The following CIMAP2 variants were observed in gnomAD, a reference collection of about 807,000 sequenced individuals.
CIMAP2 encodes the protein ciliary microtubule-associated protein 2.
chr1:54,812,494 A>G, the CIMAP2 span, among the ~76,000 whole-genome samples: 1 of 152,252 alleles, frequency 6.6e-6, no homozygotes, highest in East Asian at 1.9e-4. Flanking sequence ...GATGGCCCAC[A>G]GTGCCAGGGG....
the CIMAP2 span, chr1:54,811,764 A>AGCCGGGGGGGGG: frequency 6.4e-6 from 7 of 1,097,908 alleles, no homozygotes; most frequent in East Asian, 2.9e-5. Flanking sequence ...TGGTTCTGAC[A>AGCCGGGGGGGGG]GCCTCCATGC....
At chr1:54,811,766 C>CCGGGGGGGGGCG in the CIMAP2 span, 3 of 1,305,186 alleles carry the variant, frequency 2.3e-6, no homozygotes, top group South Asian at 1.2e-5. Flanking sequence ...GTTCTGACAG[C>CCGGGGGGGGGCG]CTCCATGCCC....
the CIMAP2 span, among the ~76,000 whole-genome samples, chr1:54,825,035 G>A: frequency 1.2e-3 from 159 of 129,128 alleles, no homozygotes; most frequent in African/African-American, 4.3e-3. Flanking sequence ...CTTTCATAGG[G>A]AATTACTTTT....
At chr1:54,839,382 A>AT in the CIMAP2 span, among the ~76,000 whole-genome samples, 53 of 36,226 alleles carry the variant, frequency 1.5e-3, no homozygotes, top group Admixed American at 2.9e-3. Context: ...TTATTTATTT[A>AT]TTTATTTTTC....
the CIMAP2 span, among the ~76,000 whole-genome samples, chr1:54,834,311 A>G: frequency 1.3e-5 from 2 of 152,324 alleles, no homozygotes; most frequent in African/African-American, 4.8e-5. Flanking sequence ...GCAGGCATAG[A>G]AGGAACTCAG....
chr1:54,826,563 G>T, the CIMAP2 span, among the ~76,000 whole-genome samples: 1 of 152,186 alleles, frequency 6.6e-6, no homozygotes, highest in South Asian at 2.1e-4. Context: ...CAGGGGATCG[G>T]TGGGACCCAG....
the CIMAP2 span, among the ~76,000 whole-genome samples, chr1:54,819,786 C>G: frequency 2.2e-5 from 3 of 133,818 alleles, no homozygotes; most frequent in South Asian, 2.4e-4. Context: ...CCCTTCCTTC[C>G]TTTTCTTCTC....
At chr1:54,816,662 G>T in the CIMAP2 span, among the ~76,000 whole-genome samples, 1 of 152,110 alleles carries the variant, frequency 6.6e-6, no homozygotes, top group East Asian at 1.9e-4. Context: ...TTGGCTTGTA[G>T]TCGTCACTCC....
chr1:54,806,200 CT>C, the CIMAP2 span: 1 of 1,543,532 alleles, frequency 6.5e-7, no homozygotes, highest in Non-Finnish European at 8.7e-7. Context: ...CCGGGGCGCC[CT>C]TCGGGGTGCA....
the CIMAP2 span, among the ~76,000 whole-genome samples, chr1:54,828,985 A>G: frequency 6.6e-6 from 1 of 152,230 alleles, no homozygotes; most frequent in Non-Finnish European, 1.5e-5. Flanking sequence ...ATTTTAAGAT[A>G]GAAGAATAAT....
At chr1:54,818,073 T>G in the CIMAP2 span, among the ~76,000 whole-genome samples, 2 of 152,336 alleles carry the variant, frequency 1.3e-5, no homozygotes, top group Admixed American at 1.3e-4. Flanking sequence ...ATATGGTTGC[T>G]GAGAAGTCTT....
the CIMAP2 span, among the ~76,000 whole-genome samples, chr1:54,835,177 G>A: frequency 4.5e-4 from 68 of 151,516 alleles, no homozygotes; most frequent in Non-Finnish European, 7.9e-4. Context: ...AATGGACAAA[G>A]TGATGGTTTG....
At chr1:54,824,053 G>T in the CIMAP2 span, among the ~76,000 whole-genome samples, 1 of 151,532 alleles carries the variant, frequency 6.6e-6, no homozygotes, top group African/African-American at 2.4e-5. Flanking sequence ...ACAAGTTCTC[G>T]CTCTGTCACT....
chr1:54,811,951 G>GGCCTTGCCT, the CIMAP2 span: 1 of 1,614,054 alleles, frequency 6.2e-7, no homozygotes, highest in Non-Finnish European at 8.5e-7. Flanking sequence ...CGGCTGGCCA[G>GGCCTTGCCT]GCCTTGCCTG....
At chr1:54,811,767 C>CGGGGGGGGGGGGGGCG in the CIMAP2 span, 1 of 1,088,170 alleles carries the variant, frequency 9.2e-7, no homozygotes, top group Non-Finnish European at 1.4e-6. Flanking sequence ...TTCTGACAGC[C>CGGGGGGGGGGGGGGCG]TCCATGCCCC....
At chr1:54,837,578 G>A in the CIMAP2 span, among the ~76,000 whole-genome samples, 1 of 152,118 alleles carries the variant, frequency 6.6e-6, no homozygotes, top group South Asian at 2.1e-4. Context: ...CTTCTTCATG[G>A]TGCCAGACTC....
the CIMAP2 span, chr1:54,841,857 C>T: frequency 6.4e-7 from 1 of 1,552,356 alleles, no homozygotes; most frequent in Non-Finnish European, 8.7e-7. Flanking sequence ...GATTACAATT[C>T]AGATCCTACT....
At chr1:54,821,087 GATT>G in the CIMAP2 span, among the ~76,000 whole-genome samples, 73 of 152,156 alleles carry the variant, frequency 4.8e-4, no homozygotes, top group African/African-American at 1.5e-3. Flanking sequence ...TTTTAAATGG[GATT>G]ATTATTATTG....
the CIMAP2 span, chr1:54,807,139 G>A: frequency 5.3e-6 from 8 of 1,519,324 alleles, no homozygotes; most frequent in South Asian, 1.1e-5. Context: ...CTGCCCCTTC[G>A]AGCTGCCTGC....
Sources: gnomAD v4.1 joint callset for allele counts (sites outside exome capture counted in the v4.1 genomes callset) on GRCh38, gnomAD v4.1.1 for gene constraint, MANE v1.5 for transcripts, NCBI Gene and HGNC (gene_info 2026-07-23, HGNC 2026-07-21) for gene names.